The following DDR2 variants were observed in gnomAD, a reference collection of about 807,000 sequenced individuals.
DDR2 encodes the protein discoidin domain receptor tyrosine kinase 2, also known as discoidin domain-containing receptor 2.
Under a neutral mutation model 94.9 loss-of-function variants are expected in DDR2, and 27 were observed. The ratio of observed to expected loss-of-function variants is 0.28; its 90% CI spans 0.21 to 0.39. The LOEUF is 0.39. Ranked by LOEUF, DDR2 falls within the 10% of genes least tolerant of loss-of-function variation. The pLI is 1.00. For synonymous variants in DDR2, 382 were observed against 377.2 expected (o/e 1.01, Z -0.15); for missense variants, 783 against 1,076.0 (o/e 0.73, Z 3.81).
At chr1:162,731,784 T>C (rs1001427670) in intron 3 of DDR2, among the ~76,000 whole-genome samples, 2 of 152,228 alleles carry the variant, frequency 1.3e-5, no homozygotes, top group Admixed American at 6.5e-5. Context: ...TTGGCAGGAT[T>C]ATGAAAGATG....
chr1:162,754,517 C>T, intron 4 of DDR2, 107 bp from the exon 5 acceptor site: 1 of 1,113,674 alleles, frequency 9.0e-7, no homozygotes, highest in Non-Finnish European at 1.4e-6. Context: ...TTTATAAGGA[C>T]AGCCTGCTCT....
At chr1:162,720,047 G>A (rs1043222092) in intron 3 of DDR2, among the ~76,000 whole-genome samples, 1 of 152,128 alleles carries the variant, frequency 6.6e-6, no homozygotes, top group African/African-American at 2.4e-5. Flanking sequence ...AAGTCTCATT[G>A]GCCAAAGCAA....
intron 11 of DDR2, among the ~76,000 whole-genome samples, chr1:162,769,716 C>G (rs1458336670): frequency 1.3e-5 from 2 of 152,190 alleles, no homozygotes; most frequent in Admixed American, 6.5e-5. Flanking sequence ...TGTTCTCCCT[C>G]CCTTATTAGG....
chr1:162,709,185 G>A (rs1345094880), intron 2 of DDR2, among the ~76,000 whole-genome samples: 3 of 152,140 alleles, frequency 2.0e-5, no homozygotes, highest in Admixed American at 6.6e-5. Context: ...TCTCAGACAA[G>A]GTGACTCATA....
chr1:162,755,442 G>A, intron 6 of DDR2, 139 bp downstream of exon 6: 2 of 1,245,054 alleles, frequency 1.6e-6, no homozygotes, highest in South Asian at 1.3e-5. Flanking sequence ...AGAGACAGAA[G>A]CATTGCTCAT....
chr1:162,678,897 G>T (rs1659262742), intron 2 of DDR2, among the ~76,000 whole-genome samples: 1 of 152,142 alleles, frequency 6.6e-6, no homozygotes, highest in South Asian at 2.1e-4. Context: ...AAGAGGTCTT[G>T]AAATAATTTG....
intron 3 of DDR2, among the ~76,000 whole-genome samples, chr1:162,739,782 T>C (rs1278681077): frequency 6.6e-6 from 1 of 152,234 alleles, no homozygotes; most frequent in Non-Finnish European, 1.5e-5. Context: ...TTCCTGGCAA[T>C]GGAAGACAGT....
rs1408056423 is a variant in DDR2 at position 162,782,525 on chromosome 1, G to A, written c.*2279G>A. The A allele has an allele frequency of 6.6e-6, 1 of 152,136 alleles. No homozygotes were observed. Among genetic ancestry groups the A allele is most frequent in the Non-Finnish European group, 1.5e-5 (1 of 68,030 alleles). The allele number at this position is 152,136 out of a possible 1,614,324, so 9.4% of individuals were successfully genotyped here. A position where few individuals can be genotyped will look rare whatever the true frequency, so the allele number is the denominator to read the frequency against. On this transcript the variant is annotated 3_prime_UTR_variant, in exon 18 of 18. Coordinates refer to ENST00000367921, the MANE Select transcript of DDR2 (RefSeq NM_006182.4). The stretch of plus-strand genomic sequence containing the variant: ...CTGCCACACTCCACTTTCAAGATAT[G>A]TATTAGCTTCATTAGAATTAAAGGG...
chr1:162,754,573 G>A (rs1234276937), intron 4 of DDR2, 51 bp from the exon 5 acceptor site: 1 of 1,577,306 alleles, frequency 6.3e-7, no homozygotes, highest in African/African-American at 1.3e-5. Flanking sequence ...CCAGTAAACA[G>A]CTCTGTGGTT....
chr1:162,660,632 A>C (rs907622719), intron 2 of DDR2, among the ~76,000 whole-genome samples: 2 of 152,158 alleles, frequency 1.3e-5, no homozygotes, highest in Non-Finnish European at 2.9e-5. Flanking sequence ...AAACAACCAG[A>C]TCTTGAAGTT....
chr1:162,687,865 C>G (rs901244483), intron 2 of DDR2, among the ~76,000 whole-genome samples: 1 of 152,072 alleles, frequency 6.6e-6, no homozygotes, highest in African/African-American at 2.4e-5. Flanking sequence ...AATGGGGTCA[C>G]GAGGTGGATC....
intron 1 of DDR2, among the ~76,000 whole-genome samples, chr1:162,645,056 A>G (rs1330308812): frequency 3.3e-5 from 5 of 152,182 alleles, no homozygotes; most frequent in Admixed American, 6.5e-5. Context: ...TTGTGAAGCA[A>G]TGGCCAAGGG....
In DDR2 at chr1:162,778,575, A is replaced by T. The variant is rs2102205843; in HGVS notation, c.2284-5A>T. The T allele has an allele frequency of 6.2e-7, 1 of 1,613,910 alleles. No homozygotes were observed. Reference sequence around the variant, plus strand: ...GATTTCCCATTCTTTTCTTTACTTAAATAGGGCAAGTTCACTACAGCAAGT... The same window carrying T: ...GATTTCCCATTCTTTTCTTTACTTATATAGGGCAAGTTCACTACAGCAAGT... On this transcript the variant is annotated splice_polypyrimidine_tract_variant and splice_region_variant and intron_variant, in intron 16 of 17. Transcript: ENST00000367921.
At position 162,725,889 on chromosome 1, in the gene DDR2, G is replaced by T. The variant is rs77771456; in HGVS notation, c.82+6744G>T. Among the ~76,000 whole-genome samples, 260 of 152,344 alleles carry T rather than the reference G, an allele frequency of 1.7e-3. 6 individuals carry two copies. In the East Asian group the frequency reaches 0.047, roughly 27 times the overall value. ...TCAAAAGACTCTGTGACCAGTTCTA[G>T]AAAAGACTAAGAATGGTGGATTTAA... On this transcript the variant is annotated intron_variant, in intron 3 of 17. Transcript: ENST00000367921.
chr1:162,730,929 T>C lies in DDR2; in HGVS notation c.82+11784T>C, dbSNP rs1662010888. On this transcript the variant is annotated intron_variant, in intron 3 of 17. Coordinates refer to ENST00000367921, the MANE Select transcript of DDR2 (RefSeq NM_006182.4). ...TTGTCCCGTAGAGACCGTCTGCTAG[T>C]GCCAAACCCGGAGTCGGCCTCCTGC... Among the ~76,000 whole-genome samples the C allele has an allele frequency of 2.6e-5, 4 of 152,122 alleles. No homozygotes were observed. The South Asian group carries it at 8.3e-4, about 31-fold the overall frequency.
intron 12 of DDR2, 129 bp from the exon 13 acceptor site, chr1:162,771,895 A>T: frequency 1.1e-6 from 1 of 949,346 alleles, no homozygotes; most frequent in Non-Finnish European, 1.6e-6. Context: ...CCATTTTCCA[A>T]GTAAGAATGT....
chr1:162,723,593 T>G (rs1378881920), intron 3 of DDR2, among the ~76,000 whole-genome samples: 1 of 152,208 alleles, frequency 6.6e-6, no homozygotes, highest in African/African-American at 2.4e-5. Flanking sequence ...TCTGAAGCCC[T>G]GGGACCCACC....
chr1:162,741,229 T>TAATAC (rs1662586147), intron 3 of DDR2, among the ~76,000 whole-genome samples: 1 of 141,316 alleles, frequency 7.1e-6, no homozygotes, highest in African/African-American at 2.6e-5. Context: ...TAATATAATA[T>TAATAC]AATATAATAT....
At chr1:162,763,057 G>A (rs934941463) in intron 9 of DDR2, among the ~76,000 whole-genome samples, 12 of 151,914 alleles carry the variant, frequency 7.9e-5, no homozygotes, top group Non-Finnish European at 1.5e-4. Flanking sequence ...GGCTGGTCTC[G>A]AACTCCTGAC....
Sources: allele counts gnomAD v4.1 joint callset (sites outside exome capture counted in the v4.1 genomes callset), GRCh38; gene constraint gnomAD v4.1.1; transcripts MANE v1.5; gene names NCBI Gene and HGNC (gene_info 2026-07-23, HGNC 2026-07-21).